BLOC1S5: variants seen among roughly 807,000 people sequenced by gnomAD.
BLOC1S5 encodes biogenesis of lysosome-related organelles complex 1 subunit 5.
A neutral mutation model predicts 24.3 loss-of-function variants in BLOC1S5; 27 were observed. The observed-to-expected ratio is 1.11, with a 90% confidence interval of 0.82 to 1.53. The LOEUF (loss-of-function observed/expected upper bound fraction) is 1.53. BLOC1S5 is among the 40% of genes most tolerant of loss of function. The pLI, the probability that BLOC1S5 is intolerant of heterozygous loss-of-function variation, is 0.00. For missense variants in BLOC1S5, 239 were observed against 229.4 expected (o/e 1.04, Z -0.27); for synonymous variants, 84 against 74.5 (o/e 1.13, Z -0.66).
At chr6:8,020,166 T>C (rs1373733435) in intron 4 of BLOC1S5, among the ~76,000 whole-genome samples, 1 of 152,214 alleles carries the variant, frequency 6.6e-6, no homozygotes, top group Admixed American at 6.5e-5. Context: ...TTTTTAAAGA[T>C]TTCCATCCAA....
At chr6:8,049,217 A>G (rs1380912192) in intron 2 of BLOC1S5, among the ~76,000 whole-genome samples, 2 of 151,886 alleles carry the variant, frequency 1.3e-5, no homozygotes, top group African/African-American at 4.8e-5. Flanking sequence ...CTAAAAATAC[A>G]AACATTAGCC....
chr6:8,044,820 G>A (rs1477497792), intron 2 of BLOC1S5, among the ~76,000 whole-genome samples: 1 of 152,188 alleles, frequency 6.6e-6, no homozygotes, highest in Non-Finnish European at 1.5e-5. Flanking sequence ...TTTCTAAGGA[G>A]CAAAGCATTC....
chr6:8,053,492 T>C (rs1285037913), intron 2 of BLOC1S5, among the ~76,000 whole-genome samples: 1 of 152,230 alleles, frequency 6.6e-6, no homozygotes, highest in Non-Finnish European at 1.5e-5. Flanking sequence ...CTGAGATTAT[T>C]AGCAGCCTTA....
At chr6:8,020,399 A>G (rs1291766008) in intron 4 of BLOC1S5, among the ~76,000 whole-genome samples, 2 of 152,220 alleles carry the variant, frequency 1.3e-5, no homozygotes, top group African/African-American at 4.8e-5. Flanking sequence ...AAGGCAAAAG[A>G]AGTTAACTGT....
Position 8,051,962 on chromosome 6 carries a change from T to G in BLOC1S5, c.195+10572A>C, listed in dbSNP as rs556120447. ...TGTTATTATGTCTGCTGATAGAACA[T>G]CCATGCCTTTTTTTTTTTTTTTTTT... On this transcript the variant is annotated intron_variant, in intron 2 of 4. Coordinates refer to ENST00000397457, the MANE Select transcript of BLOC1S5 (RefSeq NM_201280.3). Among the ~76,000 whole-genome samples, 180 of 146,100 alleles carry G rather than the reference T, an allele frequency of 1.2e-3. 1 individual carries two copies. Among genetic ancestry groups the G allele is most frequent in the South Asian group, 5.6e-3 (26 of 4,614 alleles).
chr6:8,062,023 C>A (rs1017057115), intron 2 of BLOC1S5, among the ~76,000 whole-genome samples: 2 of 152,136 alleles, frequency 1.3e-5, no homozygotes, highest in Non-Finnish European at 2.9e-5. Flanking sequence ...GATTTGACTT[C>A]GTTGATAAAG....
chr6:8,024,331 G>A (rs1763035020), intron 4 of BLOC1S5, among the ~76,000 whole-genome samples: 1 of 151,758 alleles, frequency 6.6e-6, no homozygotes, highest in African/African-American at 2.4e-5. Context: ...TTCGAGACCA[G>A]CCTGGCCAAC....
At chr6:8,042,346 T>TA (rs1763723069) in intron 2 of BLOC1S5, among the ~76,000 whole-genome samples, 1 of 152,236 alleles carries the variant, frequency 6.6e-6, no homozygotes, top group African/African-American at 2.4e-5. Context: ...AATATGTAGA[T>TA]ACTTCCCTAT....
intron 3 of BLOC1S5, 114 bp downstream of exon 3, chr6:8,041,025 T>G (rs1763660350): frequency 1.6e-6 from 2 of 1,232,894 alleles, no homozygotes; most frequent in Non-Finnish European, 2.2e-6. Flanking sequence ...CCACTTTCTC[T>G]GTAACTGAGC....
At position 8,038,901 on chromosome 6, in the gene BLOC1S5, G is replaced by C. The variant is rs187662371; in HGVS notation, c.325+2238C>G. 4.5e-3 allele frequency among the ~76,000 whole-genome samples: 685 copies of C among 152,336 alleles called. 14 individuals are homozygous for C. The highest frequency in any genetic ancestry group is 0.04 in the Admixed American group (606 of 15,304). On this transcript the variant is annotated intron_variant, in intron 3 of 4. Transcript: ENST00000397457. ...ATTAGTACAACCACTATGGAGAACA[G>C]TTTGGAGGTTCCTCAAAAAACTAAA...
At chr6:8,030,167 T>C (rs1332283462) in intron 3 of BLOC1S5, among the ~76,000 whole-genome samples, 1 of 152,148 alleles carries the variant, frequency 6.6e-6, no homozygotes, top group African/African-American at 2.4e-5. Context: ...TAGAACAATT[T>C]TTTTTCTTTT....
At chr6:8,056,538 G>C (rs891768447) in intron 2 of BLOC1S5, among the ~76,000 whole-genome samples, 1 of 152,198 alleles carries the variant, frequency 6.6e-6, no homozygotes, top group Non-Finnish European at 1.5e-5. Context: ...TTGTAATCTG[G>C]AAGAATCGAG....
intron 4 of BLOC1S5, among the ~76,000 whole-genome samples, chr6:8,016,187 G>A (rs1246846128): frequency 6.6e-6 from 1 of 152,044 alleles, no homozygotes; most frequent in Non-Finnish European, 1.5e-5. Context: ...TTAGCTGGGC[G>A]TGGTGGCACA....
At chr6:8,032,797 AT>A (rs1296807245) in intron 3 of BLOC1S5, among the ~76,000 whole-genome samples, 8 of 152,234 alleles carry the variant, frequency 5.3e-5, no homozygotes, top group African/African-American at 9.6e-5. Flanking sequence ...TACAAAATCA[AT>A]GTACAAAAAT....
At chr6:8,020,696 C>T (rs189029199) in intron 4 of BLOC1S5, among the ~76,000 whole-genome samples, 1 of 152,146 alleles carries the variant, frequency 6.6e-6, no homozygotes. Context: ...CATTTTTACA[C>T]TGGCATTGTT....
chr6:8,026,555 T>C (rs1763113429), intron 3 of BLOC1S5, 130 bp from the exon 4 acceptor site: 3 of 711,834 alleles, frequency 4.2e-6, no homozygotes, highest in South Asian at 1.9e-5. Flanking sequence ...AGAACTGATA[T>C]TATTTTGGTG....
intron 3 of BLOC1S5, chr6:8,027,506 T>C: frequency 2.2e-6 from 1 of 450,570 alleles, no homozygotes; most frequent in Non-Finnish European, 4.5e-6. Flanking sequence ...TCAATATTAA[T>C]AATGATAACC....
chr6:8,054,600 G>T (rs1020235644), intron 2 of BLOC1S5, among the ~76,000 whole-genome samples: 1 of 152,170 alleles, frequency 6.6e-6, no homozygotes, highest in African/African-American at 2.4e-5. Context: ...TTGCCTTCTG[G>T]CATGAGACAG....
chr6:8,047,204 A>G (rs1763937029), intron 2 of BLOC1S5, among the ~76,000 whole-genome samples: 1 of 132,612 alleles, frequency 7.5e-6, no homozygotes. Context: ...ACACACAGTC[A>G]ACAGTAATTT....
Sources: allele counts gnomAD v4.1 joint callset (sites outside exome capture counted in the v4.1 genomes callset), GRCh38; gene constraint gnomAD v4.1.1; transcripts MANE v1.5; gene names NCBI Gene and HGNC (gene_info 2026-07-23, HGNC 2026-07-21).